Variants in OPHN1 observed in about 807,000 individuals in gnomAD.
The protein encoded by OPHN1 is oligophrenin 1, also known as oligophrenin-1.
A neutral mutation model predicts 60.7 loss-of-function variants in OPHN1; 11 were observed. The ratio of observed to expected loss-of-function variants is 0.18; its 90% CI spans 0.11 to 0.30. OPHN1 has a LOEUF of 0.30. Among genes scored for constraint, OPHN1 ranks in the 10% least tolerant of loss-of-function variants. The probability of loss-of-function intolerance (pLI) is 1.00; values close to 1 mark genes in which losing one functional copy is unlikely to be tolerated. For missense variants in OPHN1, 449 were observed against 611.0 expected (o/e 0.73, Z 2.80); for synonymous variants, 226 against 222.6 (o/e 1.02, Z -0.14).
chrX:68,387,090 G>C (rs2078628035), intron 2 of OPHN1, among the ~76,000 whole-genome samples: 1 of 111,285 alleles, frequency 9.0e-6, no homozygotes, highest in Non-Finnish European at 1.9e-5. Context: ...ACCACCAAAA[G>C]CTACTCTTGT....
At chrX:68,295,544 C>G (rs1478998443) in intron 3 of OPHN1, among the ~76,000 whole-genome samples, 1 of 112,672 alleles carries the variant, frequency 8.9e-6, no homozygotes, top group Admixed American at 9.4e-5. Context: ...TCTAAGCAGA[C>G]ACAAGACTTC....
At chrX:68,070,119 A>T (rs766570755) in intron 20 of OPHN1, among the ~76,000 whole-genome samples, 2 of 111,815 alleles carry the variant, frequency 1.8e-5, no homozygotes, top group East Asian at 5.7e-4. Flanking sequence ...TTAATGGATC[A>T]TCAATTTCGT....
chrX:68,296,652 A>C (rs2078096750), intron 3 of OPHN1, among the ~76,000 whole-genome samples: 1 of 102,333 alleles, frequency 9.8e-6, no homozygotes, highest in Non-Finnish European at 2.0e-5. Flanking sequence ...CATCTTAAAA[A>C]AAAAAAAAAA....
At chrX:68,062,017 T>C (rs750197088) in intron 21 of OPHN1, among the ~76,000 whole-genome samples, 4 of 112,389 alleles carry the variant, frequency 3.6e-5, no homozygotes, top group Non-Finnish European at 7.5e-5. Context: ...TGCTTTTACC[T>C]TAGGAACTTA....
intron 15 of OPHN1, among the ~76,000 whole-genome samples, chrX:68,179,687 C>T (rs1353250189): frequency 8.9e-6 from 1 of 112,038 alleles, no homozygotes; most frequent in African/African-American, 3.2e-5. Context: ...CCATCCACTG[C>T]TTCCCACTGT....
At chrX:68,216,345 AAGT>A (rs1330590740) in intron 6 of OPHN1, among the ~76,000 whole-genome samples, 1 of 111,613 alleles carries the variant, frequency 9.0e-6, no homozygotes, top group Non-Finnish European at 1.9e-5. Context: ...CAAAAACAAT[AAGT>A]AGAAGATGGT....
At chrX:68,126,560 T>C (rs2077172817) in intron 15 of OPHN1, among the ~76,000 whole-genome samples, 1 of 110,847 alleles carries the variant, frequency 9.0e-6, no homozygotes, top group South Asian at 3.9e-4. Flanking sequence ...TTCTCGTGCC[T>C]CAGCCTCCTG....
chrX:68,131,404 C>T (rs771185086), intron 15 of OPHN1, among the ~76,000 whole-genome samples: 81 of 109,380 alleles, frequency 7.4e-4, no homozygotes, highest in Middle Eastern at 4.7e-3. Context: ...TTAGTGGAGA[C>T]GGGGTTTCAC....
chrX:68,191,504 T>A (rs186718685), intron 15 of OPHN1, among the ~76,000 whole-genome samples: 2 of 111,865 alleles, frequency 1.8e-5, no homozygotes, highest in African/African-American at 6.5e-5. Context: ...CCAGCCATGG[T>A]GGACTAACTG....
intron 12 of OPHN1, 91 bp from the exon 13 acceptor site, chrX:68,194,589 A>G: frequency 1.2e-6 from 1 of 803,649 alleles, no homozygotes; most frequent in African/African-American, 2.0e-5. Context: ...TTCCCCAGAT[A>G]GGCATTAAAA....
At chrX:68,215,606 T>C (rs2077604857) in intron 6 of OPHN1, among the ~76,000 whole-genome samples, 1 of 111,261 alleles carries the variant, frequency 9.0e-6, no homozygotes, top group Admixed American at 9.6e-5. Flanking sequence ...AGAGAAAATC[T>C]TGAAAGAAGC....
chrX:68,277,787 T>C lies in OPHN1; in HGVS notation c.313-2978A>G, dbSNP rs191703887. ...GCCTGGGTGACAGAGTAAGACTCAG[T>C]CTCAAAAACAAATAAATAAATAAAT... On this transcript the variant is annotated intron_variant, in intron 4 of 24. Coordinates refer to ENST00000355520, the MANE Select transcript of OPHN1 (RefSeq NM_002547.3). Among the ~76,000 whole-genome samples the C allele has an allele frequency of 7.3e-3, 818 of 111,576 alleles. 10 individuals are homozygous for C. The highest frequency in any genetic ancestry group is 0.025 in the African/African-American group (775 of 30,678).
intron 15 of OPHN1, among the ~76,000 whole-genome samples, chrX:68,158,814 G>A (rs776430673): frequency 1.8e-5 from 2 of 112,065 alleles, no homozygotes; most frequent in Admixed American, 1.9e-4. Flanking sequence ...AGGCAATCAT[G>A]TTATAGAGGT....
intron 2 of OPHN1, among the ~76,000 whole-genome samples, chrX:68,421,686 G>A (rs1036119808): frequency 1.8e-5 from 2 of 111,538 alleles, no homozygotes; most frequent in African/African-American, 6.5e-5. Flanking sequence ...GTTGAAGTGT[G>A]GCCCTCCTGC....
At chrX:68,225,532 G>A (rs1210310229) in intron 6 of OPHN1, among the ~76,000 whole-genome samples, 2 of 111,791 alleles carry the variant, frequency 1.8e-5, no homozygotes, top group African/African-American at 6.5e-5. Flanking sequence ...GCTTCCAGAG[G>A]ACGGATCGGG....
At chrX:68,112,838 G>C (rs996708033) in intron 17 of OPHN1, among the ~76,000 whole-genome samples, 9 of 112,254 alleles carry the variant, frequency 8.0e-5, no homozygotes, top group Non-Finnish European at 3.8e-5. Context: ...AACGGCAACT[G>C]TCGTGTAACC....
intron 16 of OPHN1, among the ~76,000 whole-genome samples, chrX:68,113,803 G>A (rs1220310426): frequency 2.3e-4 from 18 of 79,818 alleles, no homozygotes; most frequent in African/African-American, 8.5e-4. Context: ...ATCACACTCT[G>A]GGGACTGTTG....
chrX:68,116,646 G>T (rs1221651632), intron 16 of OPHN1, among the ~76,000 whole-genome samples: 2 of 111,442 alleles, frequency 1.8e-5, no homozygotes, highest in African/African-American at 6.5e-5. Context: ...GTATTCAATT[G>T]CCTGCTTAAT....
At chrX:68,408,427 A>G (rs770685119) in intron 2 of OPHN1, among the ~76,000 whole-genome samples, 19 of 112,117 alleles carry the variant, frequency 1.7e-4, no homozygotes, top group Admixed American at 1.5e-3. Flanking sequence ...AAACCACATC[A>G]GAATTTAAAT....
Sources: allele counts gnomAD v4.1 joint callset (sites outside exome capture counted in the v4.1 genomes callset), GRCh38; gene constraint gnomAD v4.1.1; transcripts MANE v1.5; gene names NCBI Gene and HGNC (gene_info 2026-07-23, HGNC 2026-07-21).